Variants in SRPK2 observed in about 807,000 individuals in gnomAD.
The protein encoded by SRPK2 is SRSF protein kinase 2.
In SRPK2, 21 loss-of-function variants were observed where a neutral mutation model predicts 90.8. That is an observed-to-expected ratio of 0.23 (90% CI 0.16 to 0.33). The LOEUF (loss-of-function observed/expected upper bound fraction) is 0.33. Ranked by LOEUF, SRPK2 falls within the 10% of genes least tolerant of loss-of-function variation. The pLI is 1.00. For synonymous variants in SRPK2, 288 were observed against 311.1 expected (o/e 0.93, Z 0.78); for missense variants, 620 against 869.0 (o/e 0.71, Z 3.60).
chr7:105,170,912 A>AAAGG (rs200854682), intron 3 of SRPK2, among the ~76,000 whole-genome samples: 27 of 123,658 alleles, frequency 2.2e-4, no homozygotes, highest in African/African-American at 5.2e-4. Flanking sequence ...AGAAAGAAAG[A>AAAGG]AAGGAGAAAG....
At chr7:105,181,802 T>C (rs541293210) in intron 3 of SRPK2, among the ~76,000 whole-genome samples, 22 of 147,764 alleles carry the variant, frequency 1.5e-4, no homozygotes, top group African/African-American at 5.5e-4. Flanking sequence ...AAATAATCTA[T>C]ACACCAAATC....
rs570940213 is a variant in SRPK2 at position 105,124,381 on chromosome 7, C to G, written c.1915+1867G>C. ...GCACAGCCAGGCGCAGTGGCTCACA[C>G]CTGTAATCCCAGCAATTGGGAGGCC... On this transcript the variant is annotated intron_variant, in intron 15 of 15. Coordinates refer to ENST00000393651, the MANE Select transcript of SRPK2 (RefSeq NM_182692.3). Among the ~76,000 whole-genome samples, 1,105 of 152,284 alleles carry G rather than the reference C, an allele frequency of 7.3e-3. 7 individuals carry two copies. Among genetic ancestry groups the G allele is most frequent in the Middle Eastern group, 0.024 (7 of 294 alleles).
intron 11 of SRPK2, among the ~76,000 whole-genome samples, chr7:105,134,476 T>C (rs1165957884): frequency 6.6e-6 from 1 of 152,248 alleles, no homozygotes. Context: ...ACCTGTTTTC[T>C]TTATAAACTA....
intron 9 of SRPK2, among the ~76,000 whole-genome samples, chr7:105,144,738 A>G (rs1188133892): frequency 1.3e-5 from 2 of 152,214 alleles, no homozygotes; most frequent in African/African-American, 2.4e-5. Context: ...CTTGGCCACC[A>G]TAGTCCAGAA....
At chr7:105,204,020 T>C (rs1795894363) in intron 2 of SRPK2, among the ~76,000 whole-genome samples, 1 of 151,974 alleles carries the variant, frequency 6.6e-6, no homozygotes, top group Admixed American at 6.6e-5. Context: ...TTTCTGTAGG[T>C]ATCTTTTCAC....
intron 2 of SRPK2, among the ~76,000 whole-genome samples, chr7:105,312,543 T>C (rs998033628): frequency 6.7e-6 from 1 of 150,314 alleles, no homozygotes. Context: ...ATTTCCAGAA[T>C]AGGTAAATTT....
intron 6 of SRPK2, among the ~76,000 whole-genome samples, chr7:105,161,450 A>C (rs1807645388): frequency 6.6e-6 from 1 of 152,194 alleles, no homozygotes. Context: ...CGTGTACTCC[A>C]AACAACCTTA....
At chr7:105,183,515 C>A (rs1793161567) in intron 3 of SRPK2, among the ~76,000 whole-genome samples, 1 of 152,090 alleles carries the variant, frequency 6.6e-6, no homozygotes, top group Admixed American at 6.5e-5. Flanking sequence ...GAGACAGAGT[C>A]TCACTCTGTT....
intron 2 of SRPK2, among the ~76,000 whole-genome samples, chr7:105,373,984 G>C (rs1177008901): frequency 6.6e-6 from 1 of 152,160 alleles, no homozygotes; most frequent in African/African-American, 2.4e-5. Flanking sequence ...CTGGAGTGCA[G>C]TGGCATGATC....
intron 2 of SRPK2, among the ~76,000 whole-genome samples, chr7:105,221,118 G>C (rs1463836684): frequency 6.6e-6 from 1 of 151,966 alleles, no homozygotes; most frequent in Admixed American, 6.6e-5. Context: ...AACATATTAC[G>C]GATATTCCTC....
At chr7:105,386,085 C>A (rs1465481145) in intron 2 of SRPK2, among the ~76,000 whole-genome samples, 1 of 152,014 alleles carries the variant, frequency 6.6e-6, no homozygotes, top group Non-Finnish European at 1.5e-5. Context: ...GAGGCCGAGG[C>A]GGGCGAATCA....
chr7:105,224,586 G>A (rs923022891), intron 2 of SRPK2, among the ~76,000 whole-genome samples: 1 of 152,110 alleles, frequency 6.6e-6, no homozygotes, highest in Non-Finnish European at 1.5e-5. Flanking sequence ...TCCAGCCTGG[G>A]CAACAAGAGC....
chr7:105,345,673 A>G (rs771666653), intron 2 of SRPK2, among the ~76,000 whole-genome samples: 3 of 152,254 alleles, frequency 2.0e-5, no homozygotes, highest in Non-Finnish European at 4.4e-5. Context: ...TTTATTTTAC[A>G]CATGAACATG....
intron 2 of SRPK2, among the ~76,000 whole-genome samples, chr7:105,210,877 T>C (rs1004257295): frequency 1.5e-4 from 23 of 152,098 alleles, no homozygotes; most frequent in African/African-American, 5.3e-4. Context: ...GCCAGTGGCC[T>C]CTAGGAGTGA....
At chr7:105,156,064 G>A (rs1201317221) in intron 7 of SRPK2, among the ~76,000 whole-genome samples, 1 of 152,200 alleles carries the variant, frequency 6.6e-6, no homozygotes, top group Non-Finnish European at 1.5e-5. Context: ...GACACCAGAT[G>A]ATAGAAAATC....
intron 2 of SRPK2, chr7:105,301,435 C>T (rs1199071261): frequency 1.5e-5 from 11 of 735,336 alleles, no homozygotes; most frequent in Admixed American, 6.5e-5. Flanking sequence ...CAAAGGGGGT[C>T]GCCGGGCCTC....
chr7:105,128,752 G>T (rs1801562044), intron 13 of SRPK2, among the ~76,000 whole-genome samples: 1 of 152,096 alleles, frequency 6.6e-6, no homozygotes, highest in Non-Finnish European at 1.5e-5. Flanking sequence ...TTTTAGAGAA[G>T]GGACCTCGCT....
At chr7:105,355,794 C>T (rs1817717144) in intron 2 of SRPK2, among the ~76,000 whole-genome samples, 1 of 152,058 alleles carries the variant, frequency 6.6e-6, no homozygotes, top group Admixed American at 6.6e-5. Flanking sequence ...ACGCCTGTTA[C>T]CTCAGCACTT....
intron 4 of SRPK2, 142 bp downstream of exon 4, chr7:105,169,015 G>C (rs758849146): frequency 8.6e-5 from 43 of 498,096 alleles, no homozygotes; most frequent in Non-Finnish European, 1.3e-4. Context: ...GGGCAGGAAG[G>C]AATCTAGCCA....
Sources: gnomAD v4.1 joint callset for allele counts (sites outside exome capture counted in the v4.1 genomes callset) on GRCh38, gnomAD v4.1.1 for gene constraint, MANE v1.5 for transcripts, NCBI Gene and HGNC (gene_info 2026-07-23, HGNC 2026-07-21) for gene names.